Variants in CNNM2 observed in about 807,000 individuals in gnomAD.
The protein encoded by CNNM2 is metal transporter CNNM2.
A neutral mutation model predicts 66.9 loss-of-function variants in CNNM2; 12 were observed. The ratio of observed to expected loss-of-function variants is 0.18; its 90% CI spans 0.11 to 0.29. CNNM2 has a LOEUF of 0.29. Among genes scored for constraint, CNNM2 ranks in the 10% least tolerant of loss-of-function variants. CNNM2 has a pLI of 1.00. For missense variants in CNNM2, 705 were observed against 1,167.7 expected (o/e 0.60, Z 5.77); for synonymous variants, 557 against 501.8 (o/e 1.11, Z -1.47).
intron 1 of CNNM2, among the ~76,000 whole-genome samples, chr10:102,959,711 G>C (rs1847174799): frequency 6.6e-6 from 1 of 152,150 alleles, no homozygotes; most frequent in Non-Finnish European, 1.5e-5. Context: ...CAGTGTGCTA[G>C]GATTACAGGC....
intron 1 of CNNM2, among the ~76,000 whole-genome samples, chr10:103,019,331 T>C (rs1564847538): frequency 6.6e-6 from 1 of 151,972 alleles, no homozygotes; most frequent in Non-Finnish European, 1.5e-5. Context: ...ATCATTGTAT[T>C]TAGCAAAATG....
Position 102,979,920 on chromosome 10 carries a change from A to ATT in CNNM2, c.1621+59829_1621+59830dup, listed in dbSNP as rs201616013. ...TCTTCCATCTCTTTCTTTTCTTTTT[A>ATT]TTTTTTTTTTTGAGACATATTCTTG... On this transcript the variant is annotated intron_variant, in intron 1 of 7. Coordinates refer to ENST00000369878, the MANE Select transcript of CNNM2 (RefSeq NM_017649.5). Among the ~76,000 whole-genome samples, 841 of 147,052 alleles carry ATT rather than the reference A, an allele frequency of 5.7e-3. 14 individuals carry two copies. The highest frequency in any genetic ancestry group is 0.017 in the East Asian group (85 of 5,032).
At position 103,077,713 on chromosome 10, in the gene CNNM2, C is replaced by CT. The variant is rs1447559138; in HGVS notation, c.*534dup. On this transcript the variant is annotated 3_prime_UTR_variant, in exon 8 of 8. Coordinates refer to ENST00000369878, the MANE Select transcript of CNNM2 (RefSeq NM_017649.5). ...TGGGCATCACCGTCGATCTCGCTGG[C>CT]TGAATGAAGAAGACCGTGTTACTGC... 6.3e-6 allele frequency: 1 copy of CT among 158,048 alleles called. No homozygotes were observed. The highest frequency in any genetic ancestry group is 1.4e-5 in the Non-Finnish European group (1 of 71,462). 9.8% of individuals were successfully genotyped at this position (158,048 alleles called of 1,614,324 possible). A position where few individuals can be genotyped will look rare whatever the true frequency, so the allele number is the denominator to read the frequency against.
intron 1 of CNNM2, among the ~76,000 whole-genome samples, chr10:102,968,450 T>C (rs1473438436): frequency 6.6e-6 from 1 of 152,158 alleles, no homozygotes; most frequent in Non-Finnish European, 1.5e-5. Flanking sequence ...TTTCACCATA[T>C]TGACCAGGCT....
At chr10:102,952,419 C>A (rs1292436536) in intron 1 of CNNM2, among the ~76,000 whole-genome samples, 1 of 151,830 alleles carries the variant, frequency 6.6e-6, no homozygotes, top group Non-Finnish European at 1.5e-5. Flanking sequence ...GAAAAATTGG[C>A]TGGGCGTGGT....
intron 6 of CNNM2, among the ~76,000 whole-genome samples, chr10:103,072,069 A>C (rs2065593400): frequency 6.6e-6 from 1 of 152,178 alleles, no homozygotes; most frequent in South Asian, 2.1e-4. Flanking sequence ...AGGAGTAGCC[A>C]TGAAGCATGG....
rs930311497 is a variant in CNNM2, at chr10:103,085,844, C to G, written c.*8664C>G. ...GTTGGAATGAATCAGACTGTTGTGG[C>G]CTTGGGATGAAGACATTGTGTGTGA... On this transcript the variant is annotated 3_prime_UTR_variant, in exon 8 of 8. Coordinates refer to ENST00000369878, the MANE Select transcript of CNNM2 (RefSeq NM_017649.5). The G allele has an allele frequency of 3.3e-5, 5 of 151,984 alleles. No individual in the cohort carries two copies. Among genetic ancestry groups the G allele is most frequent in the Non-Finnish European group, 7.4e-5 (5 of 67,968 alleles). The allele number at this position is 151,984 out of a possible 1,614,324, so 9.4% of individuals were successfully genotyped here.
Position 103,066,779 on chromosome 10 carries a change from C to T in CNNM2, c.2074-1850C>T, listed in dbSNP as rs1435336910. Among the ~76,000 whole-genome samples, 7 of 152,328 alleles carry T rather than the reference C, an allele frequency of 4.6e-5. No homozygotes were observed. The South Asian group carries it at 8.3e-4, about 18-fold the overall frequency. ...CATGTGGGCTGTTGCTTCTCATGTG[C>T]TCGCCTGTCCCTGCTGCATGGTCAG... is the stretch of plus-strand genomic sequence containing the variant. On this transcript the variant is annotated intron_variant, in intron 4 of 7. Transcript: ENST00000369878.
chr10:102,997,188 A>G (rs2064019601), intron 1 of CNNM2, among the ~76,000 whole-genome samples: 1 of 152,228 alleles, frequency 6.6e-6, no homozygotes, highest in Non-Finnish European at 1.5e-5. Flanking sequence ...TCTAGATTGA[A>G]GAGAATTTTC....
rs1316994634 is a variant in CNNM2, at chr10:103,066,945, A to G, written c.2074-1684A>G. ...TGGAGTTGTAAGTTTATACGGCAAG[A>G]TAATTGGCTAGGGACTGGTGAACTG... On this transcript the variant is annotated intron_variant, in intron 4 of 7. Transcript: ENST00000369878. 2.0e-5 allele frequency among the ~76,000 whole-genome samples: 3 copies of G among 152,162 alleles called. No individual in the cohort carries two copies. The East Asian group carries it at 5.8e-4, about 29-fold the overall frequency.
At chr10:103,067,778 C>T (rs948350469) in intron 4 of CNNM2, among the ~76,000 whole-genome samples, 16 of 152,072 alleles carry the variant, frequency 1.1e-4, no homozygotes, top group Admixed American at 5.2e-4. Flanking sequence ...GACAAGTTAG[C>T]GAAAGTGAAG....
rs2065715029 is a variant in CNNM2, at chr10:103,077,758, A to G, written c.*578A>G. 6.4e-6 allele frequency: 1 copy of G among 155,374 alleles called. No homozygotes were observed. The highest frequency in any genetic ancestry group is 6.3e-5 in the Admixed American group (1 of 15,808). 9.6% of individuals were successfully genotyped at this position (155,374 alleles called of 1,614,324 possible). A position where few individuals can be genotyped will look rare whatever the true frequency, so the allele number is the denominator to read the frequency against. On this transcript the variant is annotated 3_prime_UTR_variant, in exon 8 of 8. Transcript: ENST00000369878. ...TACTGCAGAACCTGCCAAGTCTGTC[A>G]TCACTGTGGGGTGTAGCCTGCCTCA...
intron 1 of CNNM2, among the ~76,000 whole-genome samples, chr10:103,041,142 T>C (rs1002590297): frequency 6.6e-6 from 1 of 152,102 alleles, no homozygotes; most frequent in Non-Finnish European, 1.5e-5. Flanking sequence ...CCCCTCCTCT[T>C]ATCACAACAT....
intron 4 of CNNM2, among the ~76,000 whole-genome samples, chr10:103,063,848 T>C (rs2065430995): frequency 6.6e-6 from 1 of 152,196 alleles, no homozygotes; most frequent in Admixed American, 6.5e-5. Context: ...AGCTTCCTTA[T>C]ATGGAAAAAG....
intron 1 of CNNM2, among the ~76,000 whole-genome samples, chr10:103,024,539 C>T (rs1036290050): frequency 1.3e-5 from 2 of 151,990 alleles, no homozygotes; most frequent in African/African-American, 4.8e-5. Context: ...AATGCGGTGG[C>T]GTGATCTCGG....
Position 102,918,547 on chromosome 10 carries a change from C to A in CNNM2, c.67C>A (p.Pro23Thr). The A allele has an allele frequency of 1.3e-6, 2 of 1,598,924 alleles. No homozygotes were observed. The highest frequency in any genetic ancestry group is 1.7e-6 in the Non-Finnish European group (2 of 1,175,424). The part of the protein sequence containing the change: ...MAGGQAAAAL[P>T]TWKMAARRSL... ...GGGCGGGCAGGCAGCCGCCGCACTG[C>A]CCACTTGGAAGATGGCGGCGCGCCG... The change falls in exon 1 of 8, where the codon CCC becomes ACC. Residue 23 changes from proline to threonine, a missense_variant. Around this residue, in one of 9 missense-constraint regions of CNNM2, gnomAD observed 98 missense variants for 73.6 expected, o/e 1.33. Coordinates refer to ENST00000369878, the MANE Select transcript of CNNM2 (RefSeq NM_017649.5). This position sits in a 1 kb window ranked among gnomAD's most constrained non-coding sequence, Gnocchi z 4.1.
chr10:103,056,114 AAAAAGAAAACT>A (rs2065292012), intron 3 of CNNM2, among the ~76,000 whole-genome samples: 1 of 151,906 alleles, frequency 6.6e-6, no homozygotes, highest in South Asian at 2.1e-4. Context: ...TAAATTAAAA[AAAAAGAAAACT>A]AAAACTAAAT....
At chr10:102,951,371 A>G (rs1846826282) in intron 1 of CNNM2, among the ~76,000 whole-genome samples, 1 of 150,856 alleles carries the variant, frequency 6.6e-6, no homozygotes, top group Non-Finnish European at 1.5e-5. Flanking sequence ...TAATTTTTGT[A>G]TTTTTAGTAG....
chr10:103,040,846 A>G (rs1002445604), intron 1 of CNNM2, among the ~76,000 whole-genome samples: 3 of 152,202 alleles, frequency 2.0e-5, no homozygotes, highest in African/African-American at 7.2e-5. Flanking sequence ...TAGTTTGTAT[A>G]TCGTACAGCA....
Sources: gnomAD v4.1 joint callset for allele counts (sites outside exome capture counted in the v4.1 genomes callset) on GRCh38, gnomAD v4.1.1 for gene constraint, gnomAD v4.1.1 regional missense constraint, Gnocchi (gnomAD v3.1) non-coding constraint, MANE v1.5 for transcripts, NCBI Gene and HGNC (gene_info 2026-07-23, HGNC 2026-07-21) for gene names.